Variants in RUNDC3B observed in about 807,000 individuals in gnomAD.
RUNDC3B encodes RUN domain containing 3B, also known as RUN domain-containing protein 3B.
A neutral mutation model predicts 58.4 loss-of-function variants in RUNDC3B; 33 were observed. The observed-to-expected ratio is 0.56, with a 90% CI of 0.43 to 0.75. RUNDC3B has a LOEUF of 0.75. Among genes scored for constraint, RUNDC3B ranks in the 30% least tolerant of loss-of-function variants. The pLI is 0.00. For missense variants in RUNDC3B, 501 were observed against 535.7 expected (o/e 0.94, Z 0.64); for synonymous variants, 193 against 195.2 (o/e 0.99, Z 0.10).
intron 6 of RUNDC3B, among the ~76,000 whole-genome samples, chr7:87,767,638 A>G (rs934851787): frequency 3.3e-5 from 5 of 152,178 alleles, no homozygotes; most frequent in Non-Finnish European, 7.3e-5. Context: ...ATGCAGTTCA[A>G]TCTCCAGTTC....
chr7:87,692,773 T>G (rs1050792626), intron 2 of RUNDC3B, among the ~76,000 whole-genome samples: 3 of 152,250 alleles, frequency 2.0e-5, no homozygotes, highest in African/African-American at 7.2e-5. Flanking sequence ...TTACATTCAA[T>G]GTTGAGAAAT....
At chr7:87,634,280 G>T (rs1224504180) in intron 1 of RUNDC3B, among the ~76,000 whole-genome samples, 2 of 152,104 alleles carry the variant, frequency 1.3e-5, no homozygotes. Flanking sequence ...GTCATTTGAT[G>T]GGGGCAGACC....
chr7:87,721,776 T>C (rs553178525), intron 4 of RUNDC3B, among the ~76,000 whole-genome samples: 169 of 148,968 alleles, frequency 1.1e-3, no homozygotes, highest in Non-Finnish European at 2.0e-3. Context: ...ATTCTCTTTC[T>C]CTCTCTCTCT....
At chr7:87,661,516 C>T (rs569558679) in intron 2 of RUNDC3B, among the ~76,000 whole-genome samples, 9 of 151,680 alleles carry the variant, frequency 5.9e-5, no homozygotes, top group African/African-American at 7.2e-5. Context: ...TGAAAATGAG[C>T]GAAGTTTGTC....
intron 4 of RUNDC3B, among the ~76,000 whole-genome samples, chr7:87,715,516 T>TTA (rs199718071): frequency 7.5e-6 from 1 of 134,076 alleles, no homozygotes; most frequent in Non-Finnish European, 1.6e-5. Flanking sequence ...ATATAATTAA[T>TTA]TATATATATA....
chr7:87,686,951 G>GA (rs1202632144), intron 2 of RUNDC3B, among the ~76,000 whole-genome samples: 1,164 of 69,152 alleles, frequency 0.017, 15 homozygotes, highest in African/African-American at 0.052. Context: ...ATCTCCAAAA[G>GA]AAAAAAAAAA....
At chr7:87,815,369 A>G (rs528752355) in intron 9 of RUNDC3B, among the ~76,000 whole-genome samples, 2 of 152,120 alleles carry the variant, frequency 1.3e-5, no homozygotes, top group East Asian at 3.8e-4. Flanking sequence ...GACCACTTAT[A>G]TATGGAAATA....
intron 1 of RUNDC3B, among the ~76,000 whole-genome samples, chr7:87,642,438 G>C (rs1431644569): frequency 6.6e-6 from 1 of 151,988 alleles, no homozygotes; most frequent in Non-Finnish European, 1.5e-5. Flanking sequence ...CTTGGATAAA[G>C]AATAATTGGA....
intron 1 of RUNDC3B, among the ~76,000 whole-genome samples, chr7:87,636,419 C>G (rs1821780865): frequency 6.6e-6 from 1 of 152,220 alleles, no homozygotes; most frequent in African/African-American, 2.4e-5. Context: ...GGAATCTCTG[C>G]TTTTTGTTTA....
chr7:87,646,148 T>C (rs752742032), intron 1 of RUNDC3B, among the ~76,000 whole-genome samples: 5 of 152,204 alleles, frequency 3.3e-5, no homozygotes, highest in Non-Finnish European at 7.4e-5. Context: ...TTTATGTTTT[T>C]ATGACACAGA....
chr7:87,632,417 T>A (rs750199048), intron 1 of RUNDC3B, among the ~76,000 whole-genome samples: 88 of 152,330 alleles, frequency 5.8e-4, no homozygotes, highest in Middle Eastern at 3.4e-3. Context: ...AACATTTACA[T>A]GTTGTAGACT....
chr7:87,663,366 G>A (rs1824904524), intron 2 of RUNDC3B, among the ~76,000 whole-genome samples: 3 of 151,958 alleles, frequency 2.0e-5, no homozygotes, highest in South Asian at 2.1e-4. Context: ...GTCCAGTTCA[G>A]CTGCATTCTT....
chr7:87,771,775 T>G (rs897827247), intron 7 of RUNDC3B, among the ~76,000 whole-genome samples: 2 of 152,144 alleles, frequency 1.3e-5, no homozygotes, highest in African/African-American at 4.8e-5. Flanking sequence ...AGGTGGAAAT[T>G]GAACCTAGAA....
At chr7:87,774,653 G>A (rs1261426619) in intron 7 of RUNDC3B, among the ~76,000 whole-genome samples, 1 of 152,040 alleles carries the variant, frequency 6.6e-6, no homozygotes, top group Non-Finnish European at 1.5e-5. Context: ...CTGATATATA[G>A]CCATTTAACA....
At chr7:87,654,046 A>AT (rs1371992718) in intron 2 of RUNDC3B, among the ~76,000 whole-genome samples, 2 of 151,850 alleles carry the variant, frequency 1.3e-5, no homozygotes, top group African/African-American at 2.4e-5. Context: ...TAAATGCAGT[A>AT]TTTTTTTTCT....
chr7:87,827,005 A>G (rs774648579), intron 10 of RUNDC3B, among the ~76,000 whole-genome samples: 3 of 152,234 alleles, frequency 2.0e-5, no homozygotes, highest in African/African-American at 7.2e-5. Flanking sequence ...AAGCATAGCA[A>G]ATTTAACAAA....
intron 8 of RUNDC3B, among the ~76,000 whole-genome samples, chr7:87,798,828 A>C (rs1835962333): frequency 6.6e-6 from 1 of 152,180 alleles, no homozygotes; most frequent in Admixed American, 6.5e-5. Context: ...TTGGGCAAGA[A>C]TATTTCATTG....
chr7:87,639,093 A>G (rs1296632345), intron 1 of RUNDC3B, among the ~76,000 whole-genome samples: 1 of 138,628 alleles, frequency 7.2e-6, no homozygotes, highest in Non-Finnish European at 1.5e-5. Context: ...CGGAGCTTGC[A>G]GTGAGAAGAG....
intron 2 of RUNDC3B, among the ~76,000 whole-genome samples, chr7:87,697,812 T>G (rs145098505): frequency 1.3e-5 from 2 of 152,290 alleles, no homozygotes; most frequent in African/African-American, 4.8e-5. Context: ...ACTCATAAAG[T>G]GAACCTAAGT....
Sources: gnomAD v4.1 joint callset for allele counts (sites outside exome capture counted in the v4.1 genomes callset) on GRCh38, gnomAD v4.1.1 for gene constraint, MANE v1.5 for transcripts, NCBI Gene and HGNC (gene_info 2026-07-23, HGNC 2026-07-21) for gene names.